Variants in STK32B observed in about 807,000 individuals in gnomAD.
STK32B encodes serine/threonine kinase 32B.
A neutral mutation model predicts 52.6 loss-of-function variants in STK32B; 43 were observed. That is an observed-to-expected ratio of 0.82 (90% CI 0.64 to 1.05). STK32B has a LOEUF of 1.05. Ranked by LOEUF, STK32B falls within the 50% of genes least tolerant of loss-of-function variation. The pLI is 0.00. For missense variants in STK32B, 621 were observed against 534.6 expected (o/e 1.16, Z -1.59); for synonymous variants, 238 against 204.3 (o/e 1.17, Z -1.41).
At chr4:5,494,422 T>G (rs1173645916) in intron 11 of STK32B, among the ~76,000 whole-genome samples, 1 of 151,490 alleles carries the variant, frequency 6.6e-6, no homozygotes, top group Non-Finnish European at 1.5e-5. Flanking sequence ...GTTTTCCATT[T>G]GCTTGGTAGA....
At chr4:5,093,489 A>T (rs945332875) in intron 1 of STK32B, among the ~76,000 whole-genome samples, 1 of 151,624 alleles carries the variant, frequency 6.6e-6, no homozygotes, top group South Asian at 2.1e-4. Context: ...GCATGTTCTC[A>T]CTCATAGGTG....
At position 5,498,989 on chromosome 4, in the gene STK32B, A is replaced by C. The variant is rs200454551; in HGVS notation, c.1151A>C (p.Asp384Ala). Residue 384 changes from aspartate to alanine, a missense_variant, in exon 12 of 12, where the codon GAC becomes GCC. Transcript: ENST00000282908. ...CAGGGCAGCCAGCTCTTGGACACCG[A>C]CAGCCGAGGGGGAGGCCAGGCCCAA... ...QGQGSQLLDT[D>A]SRGGGQAQSK... is the part of the protein sequence containing the mutation. The C allele has an allele frequency of 2.5e-4, 408 of 1,613,884 alleles. 6 individuals carry two copies. The South Asian group carries it at 4.2e-3, about 17-fold the overall frequency.
At chr4:5,064,846 G>A (rs1742355738) in intron 1 of STK32B, among the ~76,000 whole-genome samples, 1 of 138,560 alleles carries the variant, frequency 7.2e-6, no homozygotes, top group Non-Finnish European at 1.5e-5. Flanking sequence ...ATATAAATAT[G>A]CATATATAAT....
intron 3 of STK32B, among the ~76,000 whole-genome samples, chr4:5,218,102 A>G (rs1233180468): frequency 2.0e-5 from 3 of 152,108 alleles, no homozygotes; most frequent in Non-Finnish European, 4.4e-5. Flanking sequence ...ACATCTATAC[A>G]CCTGCCATTC....
rs562520130 is a variant in STK32B at position 5,274,998 on chromosome 4, G to A, written c.261-56222G>A. On this transcript the variant is annotated intron_variant, in intron 3 of 11. Transcript: ENST00000282908. ...TGAACACTAGTCACTGGGTTCCACG[G>A]TGCTCTTCCGTGACCCACGACTTCT... 2.1e-4 allele frequency among the ~76,000 whole-genome samples: 32 copies of A among 152,290 alleles called. 1 individual carries two copies. Among genetic ancestry groups the A allele is most frequent in the Middle Eastern group, 3.4e-3 (1 of 294 alleles).
Position 5,064,408 on chromosome 4 carries a change from T to A in STK32B, c.52+12493T>A, listed in dbSNP as rs1577043996. Among the ~76,000 whole-genome samples the A allele has an allele frequency of 1.6e-5, 2 of 123,496 alleles. 1 individual carries two copies. Among genetic ancestry groups the A allele is most frequent in the East Asian group, 4.8e-4 (2 of 4,124 alleles). The allele number at this position is 123,496 out of a possible 152,430, so 81.0% of individuals were successfully genotyped here. ...ATATAAATATATACTTATATACATA[T>A]AATATATAAATATATACTTATATAC... On this transcript the variant is annotated intron_variant, in intron 1 of 11. Coordinates refer to ENST00000282908, the MANE Select transcript of STK32B (RefSeq NM_018401.3).
chr4:5,398,330 T>C lies in STK32B; in HGVS notation c.472+86T>C. On this transcript the variant is annotated intron_variant, in intron 5 of 11. Coordinates refer to ENST00000282908, the MANE Select transcript of STK32B (RefSeq NM_018401.3). The surrounding 1 kb of genome is among the most constrained non-coding windows in gnomAD (Gnocchi z 4.9). ...TAGTGCGGGGGTGGGGGTTGGGTCT[T>C]GCTGAGTTGGACATTAGCATTGGCT... is the stretch of plus-strand genomic sequence containing the variant. 7.0e-7 allele frequency: 1 copy of C among 1,437,438 alleles called. No homozygotes were observed. Among genetic ancestry groups the C allele is most frequent in the Non-Finnish European group, 9.7e-7 (1 of 1,030,210 alleles). The allele number at this position is 1,437,438 out of a possible 1,614,324, so 89.0% of individuals were successfully genotyped here.
At chr4:5,462,414 G>T (rs1311346968) in intron 9 of STK32B, among the ~76,000 whole-genome samples, 1 of 151,994 alleles carries the variant, frequency 6.6e-6, no homozygotes, top group Non-Finnish European at 1.5e-5. Flanking sequence ...CTGTGTGTGT[G>T]TGTGGTGTGC....
At chr4:5,387,749 CGTTT>C (rs201544304) in intron 4 of STK32B, among the ~76,000 whole-genome samples, 2,279 of 152,114 alleles carry the variant, frequency 0.015, 41 homozygotes, top group East Asian at 0.074. Context: ...TTTTTTTATT[CGTTT>C]GTTTGTTTTG....
chr4:5,321,379 G>T (rs181454632), intron 3 of STK32B, among the ~76,000 whole-genome samples: 69 of 152,286 alleles, frequency 4.5e-4, no homozygotes, highest in African/African-American at 1.6e-3. Context: ...GTAAGAGAAT[G>T]CAAGTTATAA....
At chr4:5,369,606 G>A (rs1735097371) in intron 4 of STK32B, among the ~76,000 whole-genome samples, 1 of 152,064 alleles carries the variant, frequency 6.6e-6, no homozygotes, top group Admixed American at 6.5e-5. Flanking sequence ...GGGAAGAAAA[G>A]GTATAGCTCC....
intron 6 of STK32B, among the ~76,000 whole-genome samples, chr4:5,446,312 T>G (rs1416173385): frequency 6.6e-6 from 1 of 152,180 alleles, no homozygotes; most frequent in East Asian, 1.9e-4. Flanking sequence ...ACGCCTGTAA[T>G]CCCAGCACTT....
intron 1 of STK32B, among the ~76,000 whole-genome samples, chr4:5,105,757 G>T (rs1056458333): frequency 3.3e-5 from 5 of 151,752 alleles, no homozygotes; most frequent in Non-Finnish European, 7.4e-5. Flanking sequence ...TAGAGACAGG[G>T]TTTCACTGTG....
At chr4:5,343,246 A>G (rs1401254260) in intron 4 of STK32B, among the ~76,000 whole-genome samples, 1 of 152,060 alleles carries the variant, frequency 6.6e-6, no homozygotes, top group Non-Finnish European at 1.5e-5. Context: ...GATGGTTTCC[A>G]GCTTCATCCA....
chr4:5,447,445 T>A (rs558574383), intron 7 of STK32B: 5 of 152,000 alleles, frequency 3.3e-5, no homozygotes, highest in African/African-American at 1.2e-4. Context: ...CTGGGAAACA[T>A]AGGGAAATTA....
At chr4:5,475,210 A>G (rs1253690156) in intron 11 of STK32B, among the ~76,000 whole-genome samples, 1 of 152,080 alleles carries the variant, frequency 6.6e-6, no homozygotes, top group Non-Finnish European at 1.5e-5. Context: ...TCACGAGGTC[A>G]GGAGTTCAAG....
intron 3 of STK32B, among the ~76,000 whole-genome samples, chr4:5,324,312 C>G (rs1731730318): frequency 6.6e-6 from 1 of 152,134 alleles, no homozygotes; most frequent in African/African-American, 2.4e-5. Context: ...CAAGATTGCA[C>G]CACTGCACCC....
chr4:5,107,193 C>G (rs553113857), intron 1 of STK32B, among the ~76,000 whole-genome samples: 10 of 152,066 alleles, frequency 6.6e-5, no homozygotes, highest in Non-Finnish European at 1.5e-4. Context: ...ACCTAGGTTG[C>G]AAGCTCCTTA....
At chr4:5,124,392 C>A (rs12649665) in intron 1 of STK32B, among the ~76,000 whole-genome samples, 1 of 152,074 alleles carries the variant, frequency 6.6e-6, no homozygotes. Context: ...TTCTTGGCCC[C>A]CAGCCCATTG....
Sources: allele counts gnomAD v4.1 joint callset (sites outside exome capture counted in the v4.1 genomes callset), GRCh38; gene constraint gnomAD v4.1.1; non-coding constraint Gnocchi (gnomAD v3.1); transcripts MANE v1.5; gene names NCBI Gene and HGNC (gene_info 2026-07-23, HGNC 2026-07-21).